The following EPB41L5 variants were observed in gnomAD, a reference collection of about 807,000 sequenced individuals.
EPB41L5 encodes band 4.1-like protein 5.
EPB41L5 carries 55 observed loss-of-function variants against 106.6 expected under a neutral mutation model. The observed-to-expected ratio is 0.52, with a 90% CI of 0.42 to 0.65. The LOEUF is 0.65. Among genes scored for constraint, EPB41L5 ranks in the 30% least tolerant of loss-of-function variants. The pLI is 0.00. For missense variants in EPB41L5, 871 were observed against 882.1 expected (o/e 0.99, Z 0.16); for synonymous variants, 297 against 306.7 (o/e 0.97, Z 0.33).
At chr2:120,102,045 T>C (rs1487858891) in intron 16 of EPB41L5, among the ~76,000 whole-genome samples, 2 of 152,228 alleles carry the variant, frequency 1.3e-5, no homozygotes, top group South Asian at 4.1e-4. Flanking sequence ...TAAGCAGTTA[T>C]GTTTTATCTC....
chr2:120,119,501 G>A (rs1184765563), intron 16 of EPB41L5, among the ~76,000 whole-genome samples: 1 of 152,036 alleles, frequency 6.6e-6, no homozygotes, highest in East Asian at 1.9e-4. Flanking sequence ...TTACATTTGA[G>A]TCTTTAATCC....
intron 3 of EPB41L5, among the ~76,000 whole-genome samples, chr2:120,053,207 G>A (rs1680405585): frequency 6.6e-6 from 1 of 152,146 alleles, no homozygotes; most frequent in Non-Finnish European, 1.5e-5. Context: ...TTTGACAGTT[G>A]TATTGAAGAG....
In EPB41L5 at chr2:120,119,686, G is replaced by T. The variant is rs528138483; in HGVS notation, c.1338-8002G>T. Among the ~76,000 whole-genome samples the T allele has an allele frequency of 2.6e-5, 4 of 151,994 alleles. No individual in the cohort carries two copies. In the East Asian group the frequency reaches 7.7e-4, roughly 29 times the overall value. Reference sequence around the variant, plus strand: ...ATTTAGTTAATTAAAGAGAGAATCAGCAAGACGGTGTAACGTATCCAAAGG... The same window carrying T: ...ATTTAGTTAATTAAAGAGAGAATCATCAAGACGGTGTAACGTATCCAAAGG... On this transcript the variant is annotated intron_variant, in intron 16 of 24. Transcript: ENST00000263713.
intron 12 of EPB41L5, 60 bp downstream of exon 12, chr2:120,090,576 C>T: frequency 6.8e-7 from 1 of 1,462,288 alleles, no homozygotes; most frequent in South Asian, 1.3e-5. Flanking sequence ...AAATTTAGGC[C>T]AATCTTCTCT....
chr2:120,134,641 ACT>A (rs1376504477), intron 18 of EPB41L5, among the ~76,000 whole-genome samples: 2 of 152,006 alleles, frequency 1.3e-5, no homozygotes, highest in South Asian at 2.1e-4. Flanking sequence ...AGAACAAGAG[ACT>A]CTGCCAGGTA....
chr2:120,051,361 C>T (rs1376397783), intron 3 of EPB41L5, among the ~76,000 whole-genome samples: 1 of 152,172 alleles, frequency 6.6e-6, no homozygotes, highest in African/African-American at 2.4e-5. Flanking sequence ...ATGGTGGGTG[C>T]CCCTCCCCCA....
chr2:120,050,120 G>C (rs1680123150), intron 3 of EPB41L5, among the ~76,000 whole-genome samples: 1 of 152,166 alleles, frequency 6.6e-6, no homozygotes, highest in South Asian at 2.1e-4. Flanking sequence ...TTCAACTTTG[G>C]TGAATCTGAC....
At chr2:120,067,651 T>C (rs13413595) in intron 3 of EPB41L5, among the ~76,000 whole-genome samples, 4,049 of 152,312 alleles carry the variant, frequency 0.027, 180 homozygotes, top group African/African-American at 0.093. Flanking sequence ...GAACAAAGAC[T>C]TCTTTATTTA....
chr2:120,147,360 G>T (rs531652217), intron 20 of EPB41L5, among the ~76,000 whole-genome samples: 1 of 151,932 alleles, frequency 6.6e-6, no homozygotes, highest in South Asian at 2.1e-4. Flanking sequence ...TTTTCTAAGG[G>T]GCCAGGCCGT....
At chr2:120,150,299 T>TC (rs1169018597) in intron 20 of EPB41L5, among the ~76,000 whole-genome samples, 1 of 152,108 alleles carries the variant, frequency 6.6e-6, no homozygotes, top group Non-Finnish European at 1.5e-5. Flanking sequence ...AAATGTCTAT[T>TC]CAAGTCCTTT....
At chr2:120,038,132 T>G (rs904010939) in intron 2 of EPB41L5, among the ~76,000 whole-genome samples, 1 of 152,140 alleles carries the variant, frequency 6.6e-6, no homozygotes, top group African/African-American at 2.4e-5. Context: ...AGATATATGA[T>G]AAGAGATTAA....
intron 2 of EPB41L5, among the ~76,000 whole-genome samples, chr2:120,037,955 A>G (rs985405146): frequency 6.6e-6 from 1 of 152,238 alleles, no homozygotes; most frequent in African/African-American, 2.4e-5. Context: ...AAACAGGGAA[A>G]AAATCTTCAT....
chr2:120,110,607 C>T (rs1031600707), intron 16 of EPB41L5, among the ~76,000 whole-genome samples: 5 of 151,656 alleles, frequency 3.3e-5, no homozygotes, highest in African/African-American at 9.7e-5. Context: ...TACAGAAATT[C>T]CCACACCCTC....
At chr2:120,057,509 C>T (rs1160300763) in intron 3 of EPB41L5, among the ~76,000 whole-genome samples, 1 of 152,122 alleles carries the variant, frequency 6.6e-6, no homozygotes, top group Non-Finnish European at 1.5e-5. Context: ...ATGAATTCTC[C>T]AATTTAGTAA....
intron 20 of EPB41L5, among the ~76,000 whole-genome samples, chr2:120,158,558 T>C (rs1211377903): frequency 6.6e-6 from 1 of 152,176 alleles, no homozygotes; most frequent in Non-Finnish European, 1.5e-5. Flanking sequence ...TTAAAAACTC[T>C]CAATAAAAGA....
At chr2:120,046,882 T>C (rs1362398634) in intron 3 of EPB41L5, among the ~76,000 whole-genome samples, 2 of 152,238 alleles carry the variant, frequency 1.3e-5, no homozygotes, top group Non-Finnish European at 2.9e-5. Context: ...TACATATGGC[T>C]AGCCAGTTTT....
intron 3 of EPB41L5, among the ~76,000 whole-genome samples, chr2:120,044,221 C>G (rs1000973724): frequency 6.7e-6 from 1 of 149,728 alleles, no homozygotes; most frequent in African/African-American, 2.4e-5. Context: ...TTCAGAGTTT[C>G]TAATCTCTTG....
intron 19 of EPB41L5, among the ~76,000 whole-genome samples, chr2:120,145,491 C>T (rs1686357142): frequency 6.6e-6 from 1 of 152,090 alleles, no homozygotes; most frequent in Admixed American, 6.5e-5. Context: ...TATAGATCAT[C>T]ATTTACCTCA....
At chr2:120,092,144 T>C in intron 13 of EPB41L5, among the ~76,000 whole-genome samples, 1 of 152,150 alleles carries the variant, frequency 6.6e-6, no homozygotes, top group Non-Finnish European at 1.5e-5. Flanking sequence ...TTCTCATGTC[T>C]CAGCCACCTG....
Sources: allele counts gnomAD v4.1 joint callset (sites outside exome capture counted in the v4.1 genomes callset), GRCh38; gene constraint gnomAD v4.1.1; transcripts MANE v1.5; gene names NCBI Gene and HGNC (gene_info 2026-07-23, HGNC 2026-07-21).